The following MAX variants were observed in gnomAD, a reference collection of about 807,000 sequenced individuals.
The protein encoded by MAX is MYC associated transcriptional regulator X, also known as protein max.
MAX carries 3 observed loss-of-function variants against 22.3 expected under a neutral mutation model. The ratio of observed to expected loss-of-function variants is 0.13; its 90% confidence interval spans 0.06 to 0.35. The LOEUF is 0.35. Ranked by LOEUF, MAX falls within the 10% of genes least tolerant of loss-of-function variation. The pLI, the probability that MAX is intolerant of heterozygous loss-of-function variation, is 1.00. For synonymous variants in MAX, 72 were observed against 77.7 expected (o/e 0.93, Z 0.39); for missense variants, 119 against 209.4 (o/e 0.57, Z 2.66).
rs1002090858 is a variant in MAX at position 65,006,285 on chromosome 14, C to T, written c.172-1G>A. Reference sequence around the variant, plus strand: ...GGAGGGTTAACTTCATCTTTGTTCCCTGGGGAAGGAAAGGAGGAAAAATAT... The same window carrying T: ...GGAGGGTTAACTTCATCTTTGTTCCTTGGGGAAGGAAAGGAGGAAAAATAT... On this transcript the variant is annotated splice_acceptor_variant, in intron 3 of 3. Transcript: ENST00000341653. LOFTEE classifies it high-confidence loss of function. 2 of 1,613,042 alleles carry T rather than the reference C, an allele frequency of 1.2e-6. No individual in the cohort carries two copies. The highest frequency in any genetic ancestry group is 1.7e-6 in the Non-Finnish European group (2 of 1,179,810).
intron 3 of MAX, among the ~76,000 whole-genome samples, chr14:65,037,756 A>T (rs2062242935): frequency 7.9e-6 from 1 of 126,616 alleles, no homozygotes; most frequent in South Asian, 2.5e-4. Flanking sequence ...TTATTTATTT[A>T]TTTATTTATT....
rs555310314 is a variant in MAX at position 65,076,414 on chromosome 14, A to G, written c.*62T>C. ...ATGGTTCTGAGGGCTCTACCAACGA[A>G]CTGAAAGGAGGATGAGACGATGGAG... On this transcript the variant is annotated 3_prime_UTR_variant, in exon 5 of 5. Coordinates refer to ENST00000358664, the MANE Select transcript of MAX (RefSeq NM_002382.5). This position sits in a 1 kb window ranked among gnomAD's most constrained non-coding sequence, Gnocchi z 6.6. 8 of 1,611,620 alleles carry G rather than the reference A, an allele frequency of 5.0e-6. No individual in the cohort carries two copies. Among genetic ancestry groups the G allele is most frequent in the Non-Finnish European group, 4.2e-6 (5 of 1,179,958 alleles).
intron 3 of MAX, among the ~76,000 whole-genome samples, chr14:65,045,086 G>A (rs1055270638): frequency 2.0e-5 from 3 of 152,134 alleles, no homozygotes; most frequent in Non-Finnish European, 2.9e-5. Flanking sequence ...AAATGGGAAC[G>A]CAAAACCGAA....
chr14:65,017,241 C>T (rs535907364), intron 3 of MAX, among the ~76,000 whole-genome samples: 2 of 152,176 alleles, frequency 1.3e-5, no homozygotes, highest in South Asian at 4.1e-4. Flanking sequence ...TTTTGAAATA[C>T]CAGCTCGGGG....
intron 1 of MAX, chr14:65,101,810 G>A (rs2063850998): frequency 5.1e-6 from 3 of 584,534 alleles, no homozygotes; most frequent in South Asian, 4.2e-5. Context: ...TGGGCCAGAG[G>A]GGTCCCGAGC....
intron 2 of MAX, among the ~76,000 whole-genome samples, chr14:65,099,368 C>T (rs887979765): frequency 1.3e-5 from 2 of 152,028 alleles, no homozygotes; most frequent in Admixed American, 6.5e-5. Flanking sequence ...AAATCCTAGG[C>T]ACCTTAACAG....
chr14:65,086,998 G>C (rs537116299), intron 3 of MAX, among the ~76,000 whole-genome samples: 2 of 152,214 alleles, frequency 1.3e-5, no homozygotes, highest in African/African-American at 4.8e-5. Context: ...CACTCCAGTC[G>C]TGGCTGAAAG....
At chr14:65,058,678 G>A (rs1350434867) in intron 3 of MAX, among the ~76,000 whole-genome samples, 1 of 152,132 alleles carries the variant, frequency 6.6e-6, no homozygotes. Flanking sequence ...TCAGTCATAA[G>A]GTAGTGTTAA....
Position 65,032,555 on chromosome 14 carries a change from A to G in MAX, c.172-26271T>C. ...AGCAGTCCGCCCGCGGAGTTCACTG[A>G]GCCTCATTAGCTCTTCCGTAGAGCT... On this transcript the variant is annotated intron_variant, in intron 3 of 3. Transcript: ENST00000341653. This position sits in a 1 kb window ranked among gnomAD's most constrained non-coding sequence, Gnocchi z 5.0. The G allele has an allele frequency of 6.3e-7, 1 of 1,598,412 alleles. No individual in the cohort carries two copies. The highest frequency in any genetic ancestry group is 8.5e-7 in the Non-Finnish European group (1 of 1,173,520).
At chr14:65,056,334 A>T (rs1350840436) in intron 3 of MAX, among the ~76,000 whole-genome samples, 1 of 152,108 alleles carries the variant, frequency 6.6e-6, no homozygotes, top group Non-Finnish European at 1.5e-5. Context: ...ATTTTTTGCT[A>T]TTACAGTGTT....
chr14:65,078,079 C>G lies in MAX; in HGVS notation c.172-43G>C, dbSNP rs1315093100. 6.2e-7 allele frequency: 1 copy of G among 1,613,784 alleles called. No individual in the cohort carries two copies. The highest frequency in any genetic ancestry group is 1.3e-5 in the African/African-American group (1 of 75,028). On this transcript the variant is annotated intron_variant, in intron 3 of 4. Coordinates refer to ENST00000358664, the MANE Select transcript of MAX (RefSeq NM_002382.5). This position sits in a 1 kb window ranked among gnomAD's most constrained non-coding sequence, Gnocchi z 6.4. ...AAAGCACAGGGGACAAAATAAAAACCCAATCCAGGCAGTGAGGGAACCTGG... is the reference window on the plus strand; with the variant it reads ...AAAGCACAGGGGACAAAATAAAAACGCAATCCAGGCAGTGAGGGAACCTGG...
chr14:65,051,648 A>G (rs1174821445), intron 3 of MAX, among the ~76,000 whole-genome samples: 1 of 152,084 alleles, frequency 6.6e-6, no homozygotes, highest in African/African-American at 2.4e-5. Context: ...CAACAGTTTA[A>G]TATTTTGCTT....
rs1439664450 is a variant in MAX at position 65,079,553 on chromosome 14, C to G, written c.172-1517G>C. 6.6e-6 allele frequency among the ~76,000 whole-genome samples: 1 copy of G among 152,180 alleles called. No homozygotes were observed. The highest frequency in any genetic ancestry group is 1.5e-5 in the Non-Finnish European group (1 of 68,028). On this transcript the variant is annotated intron_variant, in intron 3 of 4. Coordinates refer to ENST00000358664, the MANE Select transcript of MAX (RefSeq NM_002382.5). This position sits in a 1 kb window ranked among gnomAD's most constrained non-coding sequence, Gnocchi z 4.5. ...CCAAGCGAAGCTCAAGGCGGGGTAG[C>G]CTAGTAGCTTAAGTATGGCCTTCCA...
intron 3 of MAX, among the ~76,000 whole-genome samples, chr14:65,034,612 G>C (rs1300255637): frequency 1.3e-5 from 2 of 152,228 alleles, no homozygotes; most frequent in Non-Finnish European, 2.9e-5. Context: ...CTATAGTTGA[G>C]AGCTGGAGAG....
At chr14:65,056,846 T>TAAAG (rs1308808764) in intron 3 of MAX, among the ~76,000 whole-genome samples, 1 of 152,226 alleles carries the variant, frequency 6.6e-6, no homozygotes, top group Non-Finnish European at 1.5e-5. Flanking sequence ...AGGTAATGTA[T>TAAAG]AAAGACAAGA....
At chr14:65,034,653 T>C (rs2062151338) in intron 3 of MAX, among the ~76,000 whole-genome samples, 2 of 152,224 alleles carry the variant, frequency 1.3e-5, no homozygotes, top group Admixed American at 1.3e-4. Flanking sequence ...TTCTCTTTTA[T>C]ATTTTGTGTT....
At chr14:65,080,216 A>G (rs2063167720) in intron 3 of MAX, among the ~76,000 whole-genome samples, 1 of 152,192 alleles carries the variant, frequency 6.6e-6, no homozygotes, top group Non-Finnish European at 1.5e-5. Context: ...GTGTTAGACC[A>G]AGGTGGCGTT....
intron 3 of MAX, chr14:65,081,999 G>C (rs1317302664): frequency 2.0e-5 from 3 of 152,184 alleles, no homozygotes; most frequent in Non-Finnish European, 4.4e-5. Flanking sequence ...TGATGATGGG[G>C]GTGGTAACAA....
At chr14:65,094,184 C>CCTTAAGAA (rs1407381093) in intron 2 of MAX, 3 of 325,696 alleles carry the variant, frequency 9.2e-6, no homozygotes, top group African/African-American at 6.4e-5. Flanking sequence ...GAGAAAGCTC[C>CCTTAAGAA]AGTGGCCCCT....
Sources: allele counts gnomAD v4.1 joint callset (sites outside exome capture counted in the v4.1 genomes callset), GRCh38; gene constraint gnomAD v4.1.1; non-coding constraint Gnocchi (gnomAD v3.1); transcripts MANE v1.5; gene names NCBI Gene and HGNC (gene_info 2026-07-23, HGNC 2026-07-21).